HGFAC: variants seen among roughly 807,000 people sequenced by gnomAD.
HGFAC encodes the protein hepatocyte growth factor activator serine protease.
In HGFAC, 76 loss-of-function variants were observed where a neutral mutation model predicts 70.6. The ratio of observed to expected loss-of-function variants is 1.08; its 90% confidence interval spans 0.89 to 1.30. The LOEUF (loss-of-function observed/expected upper bound fraction) is 1.30, where lower values mean the gene tolerates loss of function less well. Ranked by LOEUF, HGFAC falls within the 50% of genes most tolerant of loss-of-function variation. The pLI is 0.00. For synonymous variants in HGFAC, 464 were observed against 405.3 expected (o/e 1.14, Z -1.74); for missense variants, 1,044 against 933.7 (o/e 1.12, Z -1.54).
rs16844387 is a variant in HGFAC, at chr4:3,445,858, T to C, written c.1103-184T>C. 10,560 of 1,539,854 alleles carry C rather than the reference T, an allele frequency of 6.9e-3. 488 individuals are homozygous for C. The African/African-American group carries it at 0.11, about 16-fold the overall frequency. On this transcript the variant is annotated intron_variant, in intron 9 of 13. Coordinates refer to ENST00000382774, the MANE Select transcript of HGFAC (RefSeq NM_001528.4). The stretch of plus-strand genomic sequence containing the variant: ...CCTCACAGAGCCTCGGGATCGGGCA[T>C]CAAACCCCATTCTACAGATTTGGAA...
intron 2 of HGFAC, 33 bp downstream of exon 2, chr4:3,442,945 G>A (rs1427972339): frequency 1.3e-6 from 2 of 1,555,492 alleles, no homozygotes; most frequent in African/African-American, 2.8e-5. Flanking sequence ...GAGGTGTCGT[G>A]CTTCACCTTA....
Position 3,444,403 on chromosome 4 carries a change from T to G in HGFAC, c.691T>G (p.Phe231Val), listed in dbSNP as rs1188904206. Residue 231 changes from phenylalanine (F) to valine (V), a missense_variant, in exon 6 of 14, where the codon TTC (phenylalanine) becomes GTC (valine). By Grantham distance (50) the Phe-to-Val change is conservative (BLOSUM62 -1). Coordinates refer to ENST00000382774, the MANE Select transcript of HGFAC (RefSeq NM_001528.4). The stretch of plus-strand genomic sequence containing the variant: ...GGGCCACGTGGAACAGTGCGAGTGC[T>G]TCGGGGGCCGGACCTGGTGCGAAGG... ...RQGHVEQCEC[F>V]GGRTWCEGTR... is the part of the protein sequence containing the mutation. 4.4e-6 allele frequency: 7 copies of G among 1,605,218 alleles called. No individual in the cohort carries two copies. The Admixed American group carries it at 8.5e-5, about 19-fold the overall frequency.
chr4:3,447,069 C>T (rs567900595), intron 10 of HGFAC, among the ~76,000 whole-genome samples: 4 of 152,338 alleles, frequency 2.6e-5, no homozygotes, highest in South Asian at 2.1e-4. Flanking sequence ...GAGCCAGGCT[C>T]AGGGGCCCAG....
rs765620892 is a variant in HGFAC at position 3,444,943 on chromosome 4, C to T, written c.966C>T (p.Asp322=). The T allele has an allele frequency of 1.1e-5, 18 of 1,608,678 alleles. No individual in the cohort carries two copies. Among genetic ancestry groups the T allele is most frequent in the Middle Eastern group, 1.7e-4 (1 of 5,750 alleles). Reference sequence around the variant, plus strand: ...TGCTCTACCAGGAGCTGCACGTGGACTCCGTGGGCGCCGCGGCCCTGCTGG... The same window carrying T: ...TGCTCTACCAGGAGCTGCACGTGGATTCCGTGGGCGCCGCGGCCCTGCTGG... The part of the protein sequence containing the change: ...SDLLYQELHV[D]SVGAAALLGL... The change falls in exon 8 of 14, where the codon GAC becomes GAT. Residue 322 remains aspartate, a synonymous_variant. Coordinates refer to ENST00000382774, the MANE Select transcript of HGFAC (RefSeq NM_001528.4).
rs1427906763 is a variant in HGFAC at position 3,449,279 on chromosome 4, G to A, written c.1828G>A (p.Ala610Thr). The A allele has an allele frequency of 6.2e-7, 1 of 1,612,506 alleles. No homozygotes were observed. Among genetic ancestry groups the A allele is most frequent in the East Asian group, 2.2e-5 (1 of 44,830 alleles). Reference sequence around the variant, plus strand: ...CCTGGCCTGCGAGAAGAACGGCGTGGCTTACCTCTACGGCATCATCAGCTG... The same window carrying A: ...CCTGGCCTGCGAGAAGAACGGCGTGACTTACCTCTACGGCATCATCAGCTG... ...GPLACEKNGVAYLYGIISWGD... is the reference protein window; with the variant it reads ...GPLACEKNGVTYLYGIISWGD... Residue 610 changes from alanine (A) to threonine (T), a missense_variant, in exon 14 of 14, where the codon GCT becomes ACT. Physicochemically the swap from Ala to Thr is moderately conservative, Grantham distance 58. Transcript: ENST00000382774.
Position 3,449,399 on chromosome 4 carries a change from C to A in HGFAC, c.1948C>A (p.Arg650=), listed in dbSNP as rs577434025. Residue 650 remains arginine (R), a synonymous_variant, in exon 14 of 14, where the codon CGG becomes AGG. Transcript: ENST00000382774. The part of the protein sequence containing the change: ...WINDRIRPPR[R]LVAPS ...CAACGACCGGATACGGCCTCCCAGG[C>A]GGCTTGTGGCTCCCTCCTGACCCTC... The A allele has an allele frequency of 2.6e-6, 4 of 1,563,568 alleles. No individual in the cohort carries two copies. Among genetic ancestry groups the A allele is most frequent in the African/African-American group, 1.4e-5 (1 of 73,284 alleles).
At chr4:3,442,699 G>A (rs1168743263) in intron 1 of HGFAC, 33 bp from the exon 2 acceptor site, 1 of 1,436,358 alleles carries the variant, frequency 7.0e-7, no homozygotes, top group Non-Finnish European at 9.2e-7. Flanking sequence ...GTGAGGGTCT[G>A]TCCCACACTG....
chr4:3,442,664 A>G, intron 1 of HGFAC, 68 bp from the exon 2 acceptor site: 1 of 1,178,296 alleles, frequency 8.5e-7, no homozygotes, highest in East Asian at 2.8e-5. Context: ...CAGGGCTGTG[A>G]CCTCCTGCCC....
upstream of HGFAC, among the ~76,000 whole-genome samples, chr4:3,441,294 G>C (rs550636312): frequency 7.4e-4 from 113 of 152,308 alleles, 1 homozygote; most frequent in African/African-American, 2.6e-3. This position sits in a 1 kb window ranked among gnomAD's most constrained non-coding sequence, Gnocchi z 6.0. Context: ...GTCTGTCTGG[G>C]AGACGGGGAG....
upstream of HGFAC, chr4:3,441,959 T>C: frequency 8.3e-7 from 1 of 1,200,876 alleles, no homozygotes; most frequent in Non-Finnish European, 1.1e-6. This position sits in a 1 kb window ranked among gnomAD's most constrained non-coding sequence, Gnocchi z 6.0. Context: ...CCTTGGCCGC[T>C]CTGCTCCCGC....
At chr4:3,445,119 C>T in intron 8 of HGFAC, 126 bp downstream of exon 8, 1 of 1,328,664 alleles carries the variant, frequency 7.5e-7, no homozygotes, top group Non-Finnish European at 1.0e-6. Flanking sequence ...GGAACCTCTG[C>T]CTGGGAGGCT....
At position 3,444,787 on chromosome 4, in the gene HGFAC, G is replaced by A. The variant is rs367795146; in HGVS notation, c.842-32G>A. On this transcript the variant is annotated intron_variant, in intron 7 of 13. Transcript: ENST00000382774. ...TGGGGCAGTGCCGGGTGGACCCACC[G>A]TGGGCCGGCCTCACTGCCCCTCTGC... is the stretch of plus-strand genomic sequence containing the variant. The A allele has an allele frequency of 4.9e-5, 77 of 1,579,390 alleles. No individual in the cohort carries two copies. The African/African-American group carries it at 8.2e-4, about 17-fold the overall frequency.
At chr4:3,442,390 CT>C (rs1305333956) in intron 1 of HGFAC, among the ~76,000 whole-genome samples, 1 of 152,204 alleles carries the variant, frequency 6.6e-6, no homozygotes, top group Non-Finnish European at 1.5e-5. Flanking sequence ...GGGCTGCCCC[CT>C]CTCTCTGGAC....
In HGFAC at chr4:3,447,986, C is replaced by A; in HGVS notation, c.1587C>A (p.Phe529Leu). 1 of 1,580,288 alleles carries A rather than the reference C, an allele frequency of 6.3e-7. No individual in the cohort carries two copies. The highest frequency in any genetic ancestry group is 8.6e-7 in the Non-Finnish European group (1 of 1,163,892). ...PICLPEPGST[F>L]PAGHKCQIAG... ...GCCTGCCCGAGCCCGGCAGCACCTT[C>A]CCCGCAGGACACAAGTGCCAGATTG... The change falls in exon 12 of 14, where the codon TTC (phenylalanine) becomes TTA (leucine). Residue 529 changes from phenylalanine to leucine, a missense_variant. Transcript: ENST00000382774.
Position 3,448,269 on chromosome 4 carries a change from C to A in HGFAC, c.1778C>A (p.Ala593Asp). 4.4e-6 allele frequency: 7 copies of A among 1,608,900 alleles called. No individual in the cohort carries two copies. Among genetic ancestry groups the A allele is most frequent in the African/African-American group, 1.3e-5 (1 of 74,986 alleles). Reference sequence around the variant, plus strand: ...GGCTACTTCGACTGCAAGTCCGACGCCTGCCAGGTGAGCTGGTGCCCGCCC... The same window carrying A: ...GGCTACTTCGACTGCAAGTCCGACGACTGCCAGGTGAGCTGGTGCCCGCCC... ...CAGYFDCKSDACQGDSGGPLA... is the reference protein window; with the variant it reads ...CAGYFDCKSDDCQGDSGGPLA... The change falls in exon 13 of 14, where the codon GCC (alanine) becomes GAC (aspartate). Residue 593 changes from alanine (A) to aspartate (D), a missense_variant. Transcript: ENST00000382774.
In HGFAC at chr4:3,447,907, T is replaced by C; in HGVS notation, c.1508T>C (p.Leu503Pro). The C allele has an allele frequency of 6.2e-7, 1 of 1,611,334 alleles. No individual in the cohort carries two copies. Among genetic ancestry groups the C allele is most frequent in the Non-Finnish European group, 8.5e-7 (1 of 1,179,316 alleles). ...CTCTTCTGATCAGTCCTGATCCGGC[T>C]GAAGAAGAAAGGGGACCGCTGTGCC... Reference protein sequence around the residue: ...PSDHDLVLIRLKKKGDRCATR... With the variant: ...PSDHDLVLIRPKKKGDRCATR... The change falls in exon 12 of 14, where the codon CTG becomes CCG. Residue 503 changes from leucine (L) to proline (P), a missense_variant. By Grantham distance (98) the Leu-to-Pro change is moderately conservative (BLOSUM62 -3). Coordinates refer to ENST00000382774, the MANE Select transcript of HGFAC (RefSeq NM_001528.4).
Position 3,447,965 on chromosome 4 carries a change from GC to G in HGFAC, c.1569del (p.Glu524SerfsTer24), listed in dbSNP as rs1261168599. The G allele has an allele frequency of 3.8e-6, 6 of 1,594,996 alleles. No individual in the cohort carries two copies. The highest frequency in any genetic ancestry group is 1.3e-5 in the African/African-American group (1 of 74,480). ...RSQFVQPICL[P>X]EPGSTFPAGH... ...CGCAGTTCGTGCAGCCCATCTGCCT[GC>G]CCGAGCCCGGCAGCACCTTCCCCGC... On this transcript the variant is annotated frameshift_variant, in exon 12 of 14. Transcript: ENST00000382774. LOFTEE classifies it high-confidence loss of function.
Position 3,446,789 on chromosome 4 carries a change from C to T in HGFAC, c.1355+495C>T, listed in dbSNP as rs545830707. Reference sequence around the variant, plus strand: ...GGCCTCGAGTGGGGAGACCCTGAGACGGAGCAGCCTGGGCCAGACGCCCTT... The same window carrying T: ...GGCCTCGAGTGGGGAGACCCTGAGATGGAGCAGCCTGGGCCAGACGCCCTT... On this transcript the variant is annotated intron_variant, in intron 10 of 13. Coordinates refer to ENST00000382774, the MANE Select transcript of HGFAC (RefSeq NM_001528.4). Among the ~76,000 whole-genome samples, 193 of 152,300 alleles carry T rather than the reference C, an allele frequency of 1.3e-3. 4 individuals carry two copies. Among genetic ancestry groups the T allele is most frequent in the South Asian group, 3.3e-3 (16 of 4,820 alleles).
rs202093241 is a variant in HGFAC, at chr4:3,447,989, C to G, written c.1590C>G (p.Pro530=). The G allele has an allele frequency of 6.3e-7, 1 of 1,579,134 alleles. No individual in the cohort carries two copies. The highest frequency in any genetic ancestry group is 1.4e-5 in the African/African-American group (1 of 74,050). Residue 530 remains proline (P), a synonymous_variant, in exon 12 of 14, where the codon CCC becomes CCG. Transcript: ENST00000382774. The part of the protein sequence containing the change: ...ICLPEPGSTF[P]AGHKCQIAGW... ...TGCCCGAGCCCGGCAGCACCTTCCC[C>G]GCAGGACACAAGTGCCAGATTGCGG...
Sources: gnomAD v4.1 joint callset for allele counts (sites outside exome capture counted in the v4.1 genomes callset) on GRCh38, gnomAD v4.1.1 for gene constraint, Gnocchi (gnomAD v3.1) non-coding constraint, MANE v1.5 for transcripts, NCBI Gene and HGNC (gene_info 2026-07-23, HGNC 2026-07-21) for gene names.